The following DNAJC6 variants were observed in gnomAD, a reference collection of about 807,000 sequenced individuals.
The protein encoded by DNAJC6 is auxilin.
DNAJC6 carries 34 observed loss-of-function variants against 110.0 expected under a neutral mutation model. That is an observed-to-expected ratio of 0.31 (90% confidence interval 0.24 to 0.41). The LOEUF (loss-of-function observed/expected upper bound fraction) is 0.41. DNAJC6 is among the 10% of genes least tolerant of loss of function. DNAJC6 has a pLI of 1.00. For synonymous variants in DNAJC6, 406 were observed against 437.2 expected (o/e 0.93, Z 0.89); for missense variants, 1,031 against 1,207.8 (o/e 0.85, Z 2.17).
chr1:65,341,460 A>G (rs1645388848), intron 1 of DNAJC6, among the ~76,000 whole-genome samples: 1 of 152,148 alleles, frequency 6.6e-6, no homozygotes, highest in Admixed American at 6.5e-5. Flanking sequence ...CTGGGATCTA[A>G]AAAGGCAGCA....
intron 1 of DNAJC6, among the ~76,000 whole-genome samples, chr1:65,352,952 C>T (rs1645506024): frequency 6.6e-6 from 1 of 152,196 alleles, no homozygotes; most frequent in African/African-American, 2.4e-5. Context: ...TCTCCCCTGT[C>T]TCTCTTAAAT....
chr1:65,265,009 C>A, intron 1 of DNAJC6: 1 of 1,376,464 alleles, frequency 7.3e-7, no homozygotes, highest in Non-Finnish European at 1.0e-6. Flanking sequence ...TGTCACTCCA[C>A]AGACATATTT....
chr1:65,300,104 G>T (rs1203560933), intron 1 of DNAJC6, among the ~76,000 whole-genome samples: 1 of 150,626 alleles, frequency 6.6e-6, no homozygotes, highest in Admixed American at 6.6e-5. Flanking sequence ...GTGGTAGGTT[G>T]TACCCCAGTT....
chr1:65,279,284 G>A (rs12086032), intron 1 of DNAJC6, among the ~76,000 whole-genome samples: 4,955 of 152,134 alleles, frequency 0.033, 263 homozygotes, highest in African/African-American at 0.11. Context: ...GAAAATCTGG[G>A]AACCAGTGTT....
chr1:65,284,845 C>A (rs574739053), intron 1 of DNAJC6, among the ~76,000 whole-genome samples: 1 of 152,024 alleles, frequency 6.6e-6, no homozygotes, highest in Non-Finnish European at 1.5e-5. Context: ...CCCACCACCA[C>A]GCCTGGCTCA....
At chr1:65,301,341 ACAAT>A (rs1467947179) in intron 1 of DNAJC6, among the ~76,000 whole-genome samples, 2 of 152,086 alleles carry the variant, frequency 1.3e-5, no homozygotes, top group Non-Finnish European at 2.9e-5. Context: ...CCACAAACAA[ACAAT>A]CAATTCTGCA....
Position 65,321,707 on chromosome 1 carries a change from C to G in DNAJC6, c.193+11769C>G, listed in dbSNP as rs553958281. ...GATCCAGTGAAGTAGGTGGTATTAA[C>G]AAAATGTTTTTGAGAGAAGGTTCAA... On this transcript the variant is annotated intron_variant, in intron 1 of 18. Transcript: ENST00000371069. Among the ~76,000 whole-genome samples, 44 of 152,252 alleles carry G rather than the reference C, an allele frequency of 2.9e-4. 2 individuals are homozygous for G. In the South Asian group the frequency reaches 8.9e-3, roughly 31 times the overall value.
intron 14 of DNAJC6, among the ~76,000 whole-genome samples, chr1:65,400,991 T>A (rs551893765): frequency 1.3e-5 from 2 of 152,080 alleles, no homozygotes; most frequent in Non-Finnish European, 1.5e-5. Flanking sequence ...ATGTTTTTTG[T>A]TTTTTTTAAT....
At chr1:65,405,224 A>G (rs1360759897) in intron 15 of DNAJC6, among the ~76,000 whole-genome samples, 4 of 152,214 alleles carry the variant, frequency 2.6e-5, no homozygotes, top group Admixed American at 2.6e-4. Flanking sequence ...AGCTTGAATA[A>G]GATCCTTTGT....
At chr1:65,315,568 T>G (rs1557517482) in intron 1 of DNAJC6, among the ~76,000 whole-genome samples, 1 of 152,184 alleles carries the variant, frequency 6.6e-6, no homozygotes, top group Non-Finnish European at 1.5e-5. Context: ...AATTCAAAGT[T>G]TAACCATGTT....
intron 4 of DNAJC6, among the ~76,000 whole-genome samples, chr1:65,367,242 T>A (rs1379428875): frequency 2.6e-5 from 4 of 152,150 alleles, no homozygotes; most frequent in Non-Finnish European, 5.9e-5. Flanking sequence ...AGAATCTGCA[T>A]TTCTAACAGC....
Position 65,342,072 on chromosome 1 carries a change from G to A in DNAJC6, c.194-22563G>A, listed in dbSNP as rs76618791. ...CATCAGGCCAAGGTCTGCCTTTTTT[G>A]TTCTCCAGCAGTGCTTTTGGGTTTG... On this transcript the variant is annotated intron_variant, in intron 1 of 18. Transcript: ENST00000371069. Among the ~76,000 whole-genome samples, 47 of 152,188 alleles carry A rather than the reference G, an allele frequency of 3.1e-4. No individual in the cohort carries two copies. In the East Asian group the frequency reaches 8.9e-3, roughly 29 times the overall value.
intron 4 of DNAJC6, among the ~76,000 whole-genome samples, chr1:65,369,109 A>G (rs981454162): frequency 6.6e-6 from 1 of 152,028 alleles, no homozygotes; most frequent in Admixed American, 6.6e-5. Flanking sequence ...TAAGGAGAAG[A>G]TTTCCACATG....
intron 1 of DNAJC6, among the ~76,000 whole-genome samples, chr1:65,292,366 T>C (rs1465612885): frequency 1.3e-5 from 2 of 151,488 alleles, no homozygotes; most frequent in Admixed American, 6.6e-5. Flanking sequence ...ACGCTTTTCA[T>C]TGTAGAAACT....
intron 1 of DNAJC6, among the ~76,000 whole-genome samples, chr1:65,342,554 A>G (rs1018972097): frequency 6.6e-6 from 1 of 152,204 alleles, no homozygotes; most frequent in African/African-American, 2.4e-5. Flanking sequence ...TTCTGTTCTT[A>G]ATAAGCCACT....
intron 1 of DNAJC6, among the ~76,000 whole-genome samples, chr1:65,363,085 G>T (rs1645613129): frequency 6.6e-6 from 1 of 152,172 alleles, no homozygotes; most frequent in Admixed American, 6.6e-5. Context: ...GAGAAAGAGA[G>T]CAAGGACGGA....
At chr1:65,343,369 T>C (rs1264457100) in intron 1 of DNAJC6, among the ~76,000 whole-genome samples, 3 of 152,208 alleles carry the variant, frequency 2.0e-5, no homozygotes, top group Admixed American at 2.0e-4. Flanking sequence ...GGTTTCACTT[T>C]CCAAGGTTTC....
chr1:65,402,002 C>CAT, intron 15 of DNAJC6, 122 bp downstream of exon 15: 1 of 1,334,826 alleles, frequency 7.5e-7, no homozygotes, highest in Non-Finnish European at 1.0e-6. Flanking sequence ...AGTGTGTATT[C>CAT]TTAAGCTATC....
At chr1:65,313,904 G>A (rs1050695686) in intron 1 of DNAJC6, among the ~76,000 whole-genome samples, 8 of 152,050 alleles carry the variant, frequency 5.3e-5, no homozygotes, top group South Asian at 2.1e-4. Context: ...TCCCAATGCC[G>A]AAAACCCCCT....
Sources: gnomAD v4.1 joint callset for allele counts (sites outside exome capture counted in the v4.1 genomes callset) on GRCh38, gnomAD v4.1.1 for gene constraint, MANE v1.5 for transcripts, NCBI Gene and HGNC (gene_info 2026-07-23, HGNC 2026-07-21) for gene names.